Variants in TG observed in about 807,000 individuals in gnomAD.
The protein encoded by TG is thyroglobulin.
Under a neutral mutation model 324.7 loss-of-function variants are expected in TG, and 270 were observed. The ratio of observed to expected loss-of-function variants is 0.83; its 90% CI spans 0.75 to 0.92. TG has a LOEUF of 0.92. Among genes scored for constraint, TG ranks in the 40% least tolerant of loss-of-function variants. The probability of loss-of-function intolerance (pLI) is 0.00; values close to 1 mark genes in which losing one functional copy is unlikely to be tolerated. For missense variants in TG, 3,591 were observed against 3,456.4 expected, an observed-to-expected ratio of 1.04 and a Z score of -0.98; for synonymous variants, 1,401 against 1,327.0, an observed-to-expected ratio of 1.06 and a Z score of -1.21.
chr8:133,063,469 G>T (rs1842666904), intron 41 of TG: 2 of 151,392 alleles, frequency 1.3e-5, no homozygotes, highest in African/African-American at 4.9e-5. Context: ...TCAAGCATTT[G>T]CATGCTATTT....
Position 133,011,914 on chromosome 8 carries a change from G to A in TG, c.6276G>A (p.Ser2092=), listed in dbSNP as rs764530821. 6.8e-6 allele frequency: 11 copies of A among 1,614,060 alleles called. No homozygotes were observed. The South Asian group carries it at 7.7e-5, about 11-fold the overall frequency. The part of the protein sequence containing the change: ...PSLTEKVSLD[S]WQSLALSSVV... ...CTTCTCTCCTAGTGTCTCTGGACTCGTGGCAGTCCCTGGCCCTCTCTTCAG... is the reference window on the plus strand; with the variant it reads ...CTTCTCTCCTAGTGTCTCTGGACTCATGGCAGTCCCTGGCCCTCTCTTCAG... The change falls in exon 36 of 48, where the codon TCG becomes TCA. Residue 2092 remains serine, a synonymous_variant. Transcript: ENST00000220616.
chr8:132,910,519 A>G (rs1037693768), intron 18 of TG, among the ~76,000 whole-genome samples: 10 of 152,060 alleles, frequency 6.6e-5, no homozygotes, highest in African/African-American at 2.4e-4. Flanking sequence ...CCCCAACATG[A>G]TAGTATTAGG....
chr8:132,887,467 T>C lies in TG; in HGVS notation c.2095T>C (p.Phe699Leu). The change falls in exon 9 of 48, where the codon TTC becomes CTC. Residue 699 changes from phenylalanine (F) to leucine (L), a missense_variant. Phe to Leu is a conservative substitution (Grantham distance 22). Transcript: ENST00000220616. ...SEGHFLPVQC[F>L]NSECYCVDAE... is the part of the protein sequence containing the mutation. ...GGGACATTTCCTGCCTGTCCAGTGCTTCAACTCAGAGTGCTACTGTGTTGA... is the reference window on the plus strand; with the variant it reads ...GGGACATTTCCTGCCTGTCCAGTGCCTCAACTCAGAGTGCTACTGTGTTGA... The C allele has an allele frequency of 6.2e-7, 1 of 1,614,196 alleles. No individual in the cohort carries two copies. The highest frequency in any genetic ancestry group is 1.1e-5 in the South Asian group (1 of 91,088).
intron 31 of TG, 141 bp downstream of exon 31, chr8:132,968,111 A>G: frequency 9.6e-7 from 1 of 1,038,622 alleles, no homozygotes; most frequent in Non-Finnish European, 1.4e-6. Flanking sequence ...GGGAACATGG[A>G]TCCAAACTTT....
At chr8:132,949,758 A>G (rs929339274) in intron 27 of TG, among the ~76,000 whole-genome samples, 18 of 152,180 alleles carry the variant, frequency 1.2e-4, no homozygotes, top group Admixed American at 7.9e-4. Flanking sequence ...CACTATAGTG[A>G]GGCTGCATCT....
chr8:133,132,540 G>A (rs1852024972), intron 46 of TG, among the ~76,000 whole-genome samples: 1 of 152,158 alleles, frequency 6.6e-6, no homozygotes, highest in African/African-American at 2.4e-5. Flanking sequence ...TGCAGAATTG[G>A]TTCCTGCTCT....
In TG at chr8:132,893,783, C is replaced by T. The variant is rs774768273; in HGVS notation, c.2855C>T (p.Pro952Leu). 1.9e-6 allele frequency: 3 copies of T among 1,613,994 alleles called. No homozygotes were observed. The highest frequency in any genetic ancestry group is 2.5e-6 in the Non-Finnish European group (3 of 1,179,912). ...TCAGCTTCCAACAGTTCTCGGTTCC[C>T]TCTGGGGGAGAGTTTCCTGGTGGCC... ...IVSASNSSRF[P>L]LGESFLVAKG... Residue 952 changes from proline (P) to leucine (L), a missense_variant, in exon 11 of 48, where the codon CCT becomes CTT. Pro to Leu is a moderately conservative substitution (Grantham distance 98, BLOSUM62 -3). Transcript: ENST00000220616.
intron 26 of TG, among the ~76,000 whole-genome samples, chr8:132,947,648 T>C (rs1230171320): frequency 1.4e-5 from 2 of 142,300 alleles, no homozygotes; most frequent in African/African-American, 2.5e-5. Context: ...TTTTTTTTTT[T>C]TCCAGGAGAG....
chr8:133,017,194 A>G (rs1008748990), intron 37 of TG, among the ~76,000 whole-genome samples: 1 of 151,924 alleles, frequency 6.6e-6, no homozygotes, highest in Non-Finnish European at 1.5e-5. Flanking sequence ...TCCCTCACTA[A>G]TGAGATGTAA....
chr8:133,110,073 G>A (rs1462336084), intron 43 of TG, among the ~76,000 whole-genome samples: 1 of 152,148 alleles, frequency 6.6e-6, no homozygotes, highest in Non-Finnish European at 1.5e-5. Context: ...GCTCCCTCAT[G>A]TTAAGATTTG....
At chr8:132,919,035 C>A (rs1465682029) in intron 20 of TG, among the ~76,000 whole-genome samples, 1 of 152,206 alleles carries the variant, frequency 6.6e-6, no homozygotes, top group African/African-American at 2.4e-5. Flanking sequence ...AAGCTCACTT[C>A]TTCTGGAAGT....
chr8:132,893,958 C>T lies in TG; in HGVS notation c.3001+29C>T, dbSNP rs1282582833. ...AGTGTGGTGCCCTTCAGCTTTCTTACTGCATCGCTTTGGAAAAGCAGGAGC... is the reference window on the plus strand; with the variant it reads ...AGTGTGGTGCCCTTCAGCTTTCTTATTGCATCGCTTTGGAAAAGCAGGAGC... On this transcript the variant is annotated intron_variant, in intron 11 of 47. Transcript: ENST00000220616. 4 of 1,613,898 alleles carry T rather than the reference C, an allele frequency of 2.5e-6. No individual in the cohort carries two copies. In the African/African-American group the frequency reaches 5.3e-5, roughly 22 times the overall value.
Position 132,961,010 on chromosome 8 carries a change from C to G in TG, c.5404C>G (p.Leu1802Val). The G allele has an allele frequency of 6.2e-7, 1 of 1,614,022 alleles. No homozygotes were observed. Among genetic ancestry groups the G allele is most frequent in the Non-Finnish European group, 8.5e-7 (1 of 1,179,916 alleles). The stretch of plus-strand genomic sequence containing the variant: ...AAAATAAACATCTTCCTTTGCAGGT[C>G]TGACACCCTTAGAAGGAACTCAAGA... The part of the protein sequence containing the change: ...RLGDQEFIKS[L>V]TPLEGTQDTF... The change falls in exon 28 of 48, where the codon CTG becomes GTG. Residue 1802 changes from leucine (L) to valine (V), a missense_variant and splice_region_variant. By Grantham distance (32) the Leu-to-Val change is conservative (BLOSUM62 1). Transcript: ENST00000220616.
At chr8:133,068,119 C>T (rs1179596450) in intron 41 of TG, among the ~76,000 whole-genome samples, 2 of 152,192 alleles carry the variant, frequency 1.3e-5, no homozygotes, top group East Asian at 3.9e-4. Context: ...AAAGTAGCAA[C>T]TCAACACTCT....
chr8:133,084,771 A>G (rs948392139), intron 41 of TG, among the ~76,000 whole-genome samples: 1 of 152,250 alleles, frequency 6.6e-6, no homozygotes, highest in Non-Finnish European at 1.5e-5. Context: ...GGGCCTGGGA[A>G]GGCCTCCACA....
At chr8:133,012,816 A>G (rs952648920) in intron 36 of TG, among the ~76,000 whole-genome samples, 2 of 152,248 alleles carry the variant, frequency 1.3e-5, no homozygotes, top group African/African-American at 4.8e-5. Context: ...AGCTATAAAT[A>G]GGGCTCTTAG....
At chr8:133,054,053 T>C (rs1420562319) in intron 41 of TG, among the ~76,000 whole-genome samples, 1 of 152,204 alleles carries the variant, frequency 6.6e-6, no homozygotes, top group East Asian at 1.9e-4. Flanking sequence ...AAGCAAGGCC[T>C]GGTGCCAGGA....
chr8:133,001,679 G>A (rs539564275), intron 35 of TG: 7 of 898,706 alleles, frequency 7.8e-6, no homozygotes, highest in Non-Finnish European at 9.3e-6. Context: ...TGACGACAGG[G>A]AGACGTGAGC....
chr8:133,057,780 A>AC (rs911881236), intron 41 of TG, among the ~76,000 whole-genome samples: 28 of 152,084 alleles, frequency 1.8e-4, no homozygotes, highest in South Asian at 8.3e-4. Flanking sequence ...AAAACAAAAA[A>AC]AAAAAAACAA....
Sources: gnomAD v4.1 joint callset for allele counts (sites outside exome capture counted in the v4.1 genomes callset) on GRCh38, gnomAD v4.1.1 for gene constraint, MANE v1.5 for transcripts, NCBI Gene and HGNC (gene_info 2026-07-23, HGNC 2026-07-21) for gene names.